Variants in ROCK2 observed in about 807,000 individuals in gnomAD.
The protein encoded by ROCK2 is rho-associated protein kinase 2.
A neutral mutation model predicts 195.1 loss-of-function variants in ROCK2; 61 were observed. The observed-to-expected ratio is 0.31, with a 90% CI of 0.25 to 0.39. The LOEUF (loss-of-function observed/expected upper bound fraction) is 0.39, where lower values mean the gene tolerates loss of function less well. Ranked by LOEUF, ROCK2 falls within the 10% of genes least tolerant of loss-of-function variation. The pLI, the probability that ROCK2 is intolerant of heterozygous loss-of-function variation, is 1.00. For missense variants in ROCK2, 1,109 were observed against 1,637.4 expected (o/e 0.68, Z 5.57); for synonymous variants, 504 against 545.5 (o/e 0.92, Z 1.06).
intron 1 of ROCK2, among the ~76,000 whole-genome samples, chr2:11,328,612 C>A (rs1221890939): frequency 6.6e-6 from 1 of 152,166 alleles, no homozygotes; most frequent in Non-Finnish European, 1.5e-5. Context: ...ATACTACTCT[C>A]TCTTTTAAAA....
chr2:11,203,007 T>C (rs1180886804), intron 20 of ROCK2, among the ~76,000 whole-genome samples: 2 of 152,174 alleles, frequency 1.3e-5, no homozygotes, highest in Non-Finnish European at 2.9e-5. Context: ...GTGCTGGCTT[T>C]AGATCTAAAC....
Position 11,201,231 on chromosome 2 carries a change from T to G in ROCK2, c.2723+79A>C, listed in dbSNP as rs1663839696. The G allele has an allele frequency of 6.6e-7, 1 of 1,517,700 alleles. No individual in the cohort carries two copies. The highest frequency in any genetic ancestry group is 2.3e-5 in the East Asian group (1 of 44,230). 94.0% of individuals were successfully genotyped at this position (1,517,700 alleles called of 1,614,324 possible). ...CTAATTCACTTCATCAATAATTTTT[T>G]ATTTGGTGATTACCAGGCATTGTTC... On this transcript the variant is annotated intron_variant, in intron 22 of 32. Transcript: ENST00000315872. The surrounding 1 kb of genome is among the most constrained non-coding windows in gnomAD (Gnocchi z 4.6).
chr2:11,333,409 A>G (rs1668828346), intron 1 of ROCK2, among the ~76,000 whole-genome samples: 1 of 152,214 alleles, frequency 6.6e-6, no homozygotes, highest in Admixed American at 6.5e-5. Flanking sequence ...TTTGTCTGCT[A>G]AATGAATACC....
At chr2:11,291,508 G>A (rs1380614376) in intron 1 of ROCK2, among the ~76,000 whole-genome samples, 2 of 151,876 alleles carry the variant, frequency 1.3e-5, no homozygotes, top group African/African-American at 4.8e-5. Context: ...GGAGGATCGC[G>A]CCACTGCACT....
chr2:11,344,908 G>A (rs1669250682), upstream of ROCK2, among the ~76,000 whole-genome samples: 2 of 148,424 alleles, frequency 1.3e-5, no homozygotes, highest in Non-Finnish European at 1.5e-5. This position sits in a 1 kb window ranked among gnomAD's most constrained non-coding sequence, Gnocchi z 5.4. Context: ...ACGCACCCAG[G>A]CCGGGTCCTT....
rs1419814718 is a variant in ROCK2 at position 11,307,967 on chromosome 2, G to A, written c.142-20231C>T. The A allele has an allele frequency of 2.3e-5, 34 of 1,471,184 alleles. 1 individual carries two copies. Among genetic ancestry groups the A allele is most frequent in the South Asian group, 5.7e-5 (4 of 69,926 alleles). The allele number at this position is 1,471,184 out of a possible 1,614,324, so 91.1% of individuals were successfully genotyped here. A position where few individuals can be genotyped will look rare whatever the true frequency, so the allele number is the denominator to read the frequency against. On this transcript the variant is annotated intron_variant, in intron 1 of 32. Coordinates refer to ENST00000315872, the MANE Select transcript of ROCK2 (RefSeq NM_004850.5). ...CAGGGCCAGGCCTGGGAAGGATGGC[G>A]CCCTAGAACCCGGCCTTGCTGGGGT...
intron 1 of ROCK2, among the ~76,000 whole-genome samples, chr2:11,289,230 T>C (rs1404190366): frequency 3.3e-5 from 5 of 152,092 alleles, no homozygotes; most frequent in Non-Finnish European, 7.4e-5. Flanking sequence ...AATTCACACA[T>C]TGAGACATAC....
chr2:11,190,599 G>T (rs1327606098), intron 32 of ROCK2, among the ~76,000 whole-genome samples: 1 of 151,940 alleles, frequency 6.6e-6, no homozygotes, highest in Non-Finnish European at 1.5e-5. Flanking sequence ...AGGATATTTG[G>T]AGTTATTATA....
chr2:11,253,556 G>T (rs548879195), intron 3 of ROCK2, among the ~76,000 whole-genome samples: 1 of 152,286 alleles, frequency 6.6e-6, no homozygotes, highest in African/African-American at 2.4e-5. Context: ...TGTAATTTTT[G>T]ATGTTGTTTC....
chr2:11,233,394 C>T (rs1218174350), intron 5 of ROCK2, among the ~76,000 whole-genome samples: 1 of 152,126 alleles, frequency 6.6e-6, no homozygotes, highest in Non-Finnish European at 1.5e-5. Flanking sequence ...CAAGATCTCT[C>T]ATGTACTAGT....
intron 18 of ROCK2, among the ~76,000 whole-genome samples, chr2:11,210,740 A>G (rs767886552): frequency 1.3e-5 from 2 of 152,192 alleles, no homozygotes; most frequent in Non-Finnish European, 2.9e-5. Context: ...TTATACCTCA[A>G]TGAAAATAAT....
intron 3 of ROCK2, among the ~76,000 whole-genome samples, chr2:11,282,749 C>A (rs1399210213): frequency 6.6e-6 from 1 of 151,992 alleles, no homozygotes; most frequent in African/African-American, 2.4e-5. Context: ...AACTGATAAC[C>A]TGAACTTCAC....
intron 3 of ROCK2, among the ~76,000 whole-genome samples, chr2:11,252,502 G>A (rs138573257): frequency 0.043 from 6,471 of 152,152 alleles, 279 homozygotes; most frequent in Non-Finnish European, 0.06. Context: ...ACATGCACAC[G>A]TATGTTTATT....
At chr2:11,230,032 T>C (rs73915106) in intron 5 of ROCK2, among the ~76,000 whole-genome samples, 3,582 of 152,212 alleles carry the variant, frequency 0.024, 66 homozygotes, top group East Asian at 0.053. Flanking sequence ...TATACAGACA[T>C]ATTCAGAATT....
At chr2:11,324,705 C>T (rs776285139) in intron 1 of ROCK2, among the ~76,000 whole-genome samples, 8 of 152,184 alleles carry the variant, frequency 5.3e-5, no homozygotes, top group African/African-American at 1.7e-4. Context: ...TTTCATGGCA[C>T]TGGAAAAATG....
intron 10 of ROCK2, 103 bp from the exon 11 acceptor site, chr2:11,218,569 C>CT (rs1173976843): frequency 3.4e-5 from 26 of 755,178 alleles, no homozygotes; most frequent in Non-Finnish European, 5.0e-5. Context: ...CAACCTAATG[C>CT]TTTAGCTTTC....
At position 11,190,226 on chromosome 2, in the gene ROCK2, T is replaced by C. The variant is rs544992878; in HGVS notation, c.4163+1922A>G. ...TTCACAAAATATACACTACACATTT[T>C]ACAGTCAATTTTGATATTAGTTTTA... On this transcript the variant is annotated intron_variant, in intron 32 of 32. Coordinates refer to ENST00000315872, the MANE Select transcript of ROCK2 (RefSeq NM_004850.5). Among the ~76,000 whole-genome samples, 3 of 152,316 alleles carry C rather than the reference T, an allele frequency of 2.0e-5. No individual in the cohort carries two copies. The East Asian group carries it at 5.8e-4, about 29-fold the overall frequency.
intron 32 of ROCK2, 44 bp from the exon 33 acceptor site, chr2:11,183,484 A>G: frequency 7.0e-7 from 1 of 1,429,722 alleles, no homozygotes; most frequent in Non-Finnish European, 9.7e-7. Context: ...CAGTGAAATA[A>G]TTTAAGAGTG....
At chr2:11,216,131 G>A (rs1424568285) in intron 13 of ROCK2, 27 bp downstream of exon 13, 2 of 1,592,088 alleles carry the variant, frequency 1.3e-6, no homozygotes, top group Admixed American at 1.7e-5. Context: ...TAACAAAAAT[G>A]TTAATAAAAA....
Sources: gnomAD v4.1 joint callset for allele counts (sites outside exome capture counted in the v4.1 genomes callset) on GRCh38, gnomAD v4.1.1 for gene constraint, Gnocchi (gnomAD v3.1) non-coding constraint, MANE v1.5 for transcripts, NCBI Gene and HGNC (gene_info 2026-07-23, HGNC 2026-07-21) for gene names.